The following GLIS1 variants were observed in gnomAD, a reference collection of about 807,000 sequenced individuals.
The protein encoded by GLIS1 is GLIS family zinc finger 1.
In GLIS1, 24 loss-of-function variants were observed where a neutral mutation model predicts 63.8. That is an observed-to-expected ratio of 0.38 (90% confidence interval 0.27 to 0.53). The LOEUF (loss-of-function observed/expected upper bound fraction) is 0.53. GLIS1 is among the 20% of genes least tolerant of loss of function. The pLI, the probability that GLIS1 is intolerant of heterozygous loss-of-function variation, is 0.85. For synonymous variants in GLIS1, 450 were observed against 482.5 expected (o/e 0.93, Z 0.88); for missense variants, 1,036 against 1,074.1 (o/e 0.96, Z 0.50).
intron 4 of GLIS1, among the ~76,000 whole-genome samples, chr1:53,532,065 G>T (rs1293053759): frequency 6.6e-6 from 1 of 152,212 alleles, no homozygotes; most frequent in Non-Finnish European, 1.5e-5. Context: ...GGAGTCTGCA[G>T]GGAGCTCAAA....
In GLIS1 at chr1:53,644,913, C is replaced by T. The variant is rs189044596; in HGVS notation, c.260-44635G>A. Among the ~76,000 whole-genome samples the T allele has an allele frequency of 3.6e-3, 550 of 152,270 alleles. 4 individuals are homozygous for T. Among genetic ancestry groups the T allele is most frequent in the African/African-American group, 0.013 (535 of 41,546 alleles). ...CTGCTGTGCTGAAAGCAGACTGTCTCGCTTATTTGTTGGTTTACGGTTTAT... is the reference window on the plus strand; with the variant it reads ...CTGCTGTGCTGAAAGCAGACTGTCTTGCTTATTTGTTGGTTTACGGTTTAT... On this transcript the variant is annotated intron_variant, in intron 2 of 10. Coordinates refer to ENST00000628545, the MANE Select transcript of GLIS1 (RefSeq NM_001367484.1).
chr1:53,509,365 G>C (rs900229377), intron 9 of GLIS1, 78 bp from the exon 10 acceptor site: 1 of 1,353,528 alleles, frequency 7.4e-7, no homozygotes, highest in Non-Finnish European at 1.0e-6. Flanking sequence ...CTTGCTGCAC[G>C]CTCCACCTCC....
intron 2 of GLIS1, among the ~76,000 whole-genome samples, chr1:53,721,760 G>A (rs781609422): frequency 2.0e-5 from 3 of 152,128 alleles, no homozygotes; most frequent in Non-Finnish European, 4.4e-5. Context: ...AATAACAAAC[G>A]ATGGGACGTG....
rs114181375 is a variant in GLIS1, at chr1:53,549,908, G to A, written c.1321-19956C>T. Among the ~76,000 whole-genome samples the A allele has an allele frequency of 3.8e-3, 574 of 152,290 alleles. 4 individuals are homozygous for A. The highest frequency in any genetic ancestry group is 0.013 in the African/African-American group (560 of 41,556). ...CACCCTGCTCAGGTCACCCACCTAG[G>A]AGGCCACAGAATGAAAGCTTGGGGC... On this transcript the variant is annotated intron_variant, in intron 4 of 10. Coordinates refer to ENST00000628545, the MANE Select transcript of GLIS1 (RefSeq NM_001367484.1).
chr1:53,621,508 T>C lies in GLIS1; in HGVS notation c.260-21230A>G, dbSNP rs780571696. Reference sequence around the variant, plus strand: ...GTTGGCTAAAAATCAATGTGTCAAATGACCAATTCGTCAAAAGCCAATTAG... The same window carrying C: ...GTTGGCTAAAAATCAATGTGTCAAACGACCAATTCGTCAAAAGCCAATTAG... On this transcript the variant is annotated intron_variant, in intron 2 of 10. Transcript: ENST00000628545. 7.8e-4 allele frequency among the ~76,000 whole-genome samples: 119 copies of C among 152,276 alleles called. 1 individual carries two copies. The highest frequency in any genetic ancestry group is 1.4e-3 in the Non-Finnish European group (98 of 68,046).
At chr1:53,518,263 A>C (rs1644372847) in intron 7 of GLIS1, among the ~76,000 whole-genome samples, 1 of 152,170 alleles carries the variant, frequency 6.6e-6, no homozygotes, top group African/African-American at 2.4e-5. Flanking sequence ...CACTAGCAGC[A>C]GGGAGGTGCG....
At chr1:53,679,675 T>C (rs1208203890) in intron 2 of GLIS1, among the ~76,000 whole-genome samples, 1 of 152,202 alleles carries the variant, frequency 6.6e-6, no homozygotes, top group Non-Finnish European at 1.5e-5. Flanking sequence ...AAGTCAGCCA[T>C]GCCTCCTGGA....
In GLIS1 at chr1:53,677,955, G is replaced by A. The variant is rs545697013; in HGVS notation, c.259+59851C>T. Among the ~76,000 whole-genome samples, 5 of 152,308 alleles carry A rather than the reference G, an allele frequency of 3.3e-5. No individual in the cohort carries two copies. In the East Asian group the frequency reaches 9.6e-4, roughly 29 times the overall value. On this transcript the variant is annotated intron_variant, in intron 2 of 10. Transcript: ENST00000628545. ...TCAAATGGAAACACTGATGTCTCCT[G>A]CCAGAGCTGTGGCGAGAATAAGATA... is the stretch of plus-strand genomic sequence containing the variant.
chr1:53,713,025 G>C (rs1022956138), intron 2 of GLIS1, among the ~76,000 whole-genome samples: 1 of 152,184 alleles, frequency 6.6e-6, no homozygotes, highest in African/African-American at 2.4e-5. Context: ...CAGAAATAGA[G>C]ACAGTATCAA....
At chr1:53,609,103 G>C (rs1645399895) in intron 2 of GLIS1, among the ~76,000 whole-genome samples, 1 of 152,090 alleles carries the variant, frequency 6.6e-6, no homozygotes, top group African/African-American at 2.4e-5. Context: ...GCCTGTCACA[G>C]ATGGGATTTT....
intron 4 of GLIS1, among the ~76,000 whole-genome samples, chr1:53,575,235 A>G (rs965461861): frequency 3.3e-4 from 50 of 152,300 alleles, no homozygotes; most frequent in African/African-American, 1.2e-3. Context: ...GGGAACAGGA[A>G]GCTCACACAA....
chr1:53,605,794 C>T (rs868731072), intron 2 of GLIS1, among the ~76,000 whole-genome samples: 1 of 152,246 alleles, frequency 6.6e-6, no homozygotes, highest in South Asian at 2.1e-4. Flanking sequence ...GTTCTCTAGA[C>T]ACCTGGGCCC....
chr1:53,648,612 C>A (rs1293514851), intron 2 of GLIS1, among the ~76,000 whole-genome samples: 1 of 152,228 alleles, frequency 6.6e-6, no homozygotes, highest in Admixed American at 6.5e-5. Context: ...AAATGCTCGA[C>A]AGCAGTGGAA....
At chr1:53,673,892 C>T (rs916059151) in intron 2 of GLIS1, among the ~76,000 whole-genome samples, 2 of 152,210 alleles carry the variant, frequency 1.3e-5, no homozygotes. Context: ...TCCACTGAGG[C>T]CGGGAGCGGT....
At chr1:53,548,740 C>G (rs17108762) in intron 4 of GLIS1, among the ~76,000 whole-genome samples, 2 of 152,190 alleles carry the variant, frequency 1.3e-5, no homozygotes, top group Non-Finnish European at 2.9e-5. Flanking sequence ...CATCCATGAA[C>G]CTTCAATAAA....
At chr1:53,682,246 A>T (rs1028283114) in intron 2 of GLIS1, among the ~76,000 whole-genome samples, 5 of 151,674 alleles carry the variant, frequency 3.3e-5, no homozygotes, top group Non-Finnish European at 7.4e-5. Flanking sequence ...TGCATTCTTC[A>T]CTCCTTCAGC....
intron 4 of GLIS1, among the ~76,000 whole-genome samples, chr1:53,570,297 A>T (rs1644972430): frequency 6.8e-6 from 1 of 147,556 alleles, no homozygotes; most frequent in South Asian, 2.1e-4. Context: ...AAAAAAAAAA[A>T]TTGTTTAGAG....
intron 2 of GLIS1, among the ~76,000 whole-genome samples, chr1:53,647,935 G>T (rs796386794): frequency 2.4e-4 from 36 of 152,318 alleles, no homozygotes; most frequent in African/African-American, 8.7e-4. Flanking sequence ...ATTTTGGGAG[G>T]ATGAGGCAGG....
At chr1:53,650,766 G>T (rs139710919) in intron 2 of GLIS1, among the ~76,000 whole-genome samples, 2 of 152,178 alleles carry the variant, frequency 1.3e-5, no homozygotes, top group Admixed American at 1.3e-4. Flanking sequence ...CGGAAGGAAC[G>T]AATAGGTGAA....
Sources: gnomAD v4.1 joint callset for allele counts (sites outside exome capture counted in the v4.1 genomes callset) on GRCh38, gnomAD v4.1.1 for gene constraint, MANE v1.5 for transcripts, NCBI Gene and HGNC (gene_info 2026-07-23, HGNC 2026-07-21) for gene names.